Variants in CHRNA7 observed in about 807,000 individuals in gnomAD.
The protein encoded by CHRNA7 is neuronal acetylcholine receptor subunit alpha-7.
A neutral mutation model predicts 48.0 loss-of-function variants in CHRNA7; 17 were observed. The observed-to-expected ratio is 0.35, with a 90% CI of 0.24 to 0.53. The LOEUF (loss-of-function observed/expected upper bound fraction) is 0.53. Among genes scored for constraint, CHRNA7 ranks in the 20% least tolerant of loss-of-function variants. The pLI is 0.92. For synonymous variants in CHRNA7, 75 were observed against 242.3 expected, an observed-to-expected ratio of 0.31 and a Z score of 6.41; for missense variants, 155 against 577.7, an observed-to-expected ratio of 0.27 and a Z score of 7.50.
intron 4 of CHRNA7, among the ~76,000 whole-genome samples, chr15:32,131,732 G>A (rs10468022): frequency 0.54 from 81,812 of 151,972 alleles, 22,312 homozygotes; most frequent in East Asian, 0.7. Flanking sequence ...TGGTATTACA[G>A]GTGATTTTTA....
At chr15:32,104,771 C>T (rs1595451206) in intron 3 of CHRNA7, among the ~76,000 whole-genome samples, 1 of 152,286 alleles carries the variant, frequency 6.6e-6, no homozygotes, top group African/African-American at 2.4e-5. Context: ...CACTTTCGTA[C>T]TGTGTGTATA....
chr15:32,060,044 G>A lies in CHRNA7; in HGVS notation c.195+29007G>A, dbSNP rs1391521678. ...TATCTGAAAGAATTGCTGGAATAAT[G>A]TAATCCAGTTATGCAAAACCAAAAT... On this transcript the variant is annotated intron_variant, in intron 2 of 9. Coordinates refer to ENST00000306901, the MANE Select transcript of CHRNA7 (RefSeq NM_000746.6). 2.1e-5 allele frequency among the ~76,000 whole-genome samples: 3 copies of A among 143,820 alleles called. 1 individual carries two copies. Among genetic ancestry groups the A allele is most frequent in the Non-Finnish European group, 3.0e-5 (2 of 66,120 alleles). The allele number at this position is 143,820 out of a possible 152,430, so 94.4% of individuals were successfully genotyped here.
chr15:32,056,815 T>C (rs2049795323), intron 2 of CHRNA7, among the ~76,000 whole-genome samples: 1 of 152,360 alleles, frequency 6.6e-6, no homozygotes, highest in Admixed American at 6.5e-5. Flanking sequence ...AAAATGCCTT[T>C]AATTAAATAT....
chr15:32,117,637 A>C (rs2050896118), intron 4 of CHRNA7, among the ~76,000 whole-genome samples: 2 of 152,070 alleles, frequency 1.3e-5, no homozygotes, highest in African/African-American at 4.8e-5. Context: ...GCAGGTGGCA[A>C]ATTTCACTGG....
chr15:32,085,156 A>G (rs1183649205), intron 2 of CHRNA7, among the ~76,000 whole-genome samples: 1 of 152,066 alleles, frequency 6.6e-6, no homozygotes, highest in Non-Finnish European at 1.5e-5. Context: ...TTTCAGCAAC[A>G]TGTCCCTGTA....
At position 32,104,504 on chromosome 15, in the gene CHRNA7, C is replaced by T. The variant is rs76279763; in HGVS notation, c.240+3157C>T. Among the ~76,000 whole-genome samples, 358 of 152,276 alleles carry T rather than the reference C, an allele frequency of 2.4e-3. 2 individuals carry two copies. Among genetic ancestry groups the T allele is most frequent in the African/African-American group, 8.3e-3 (347 of 41,558 alleles). On this transcript the variant is annotated intron_variant, in intron 3 of 9. Transcript: ENST00000306901. ...CCCAAAGGCTTCTCACCATGTAACC[C>T]GCTTTGTGTTCACTCGTCTATCTGT... is the stretch of plus-strand genomic sequence containing the variant.
intron 2 of CHRNA7, among the ~76,000 whole-genome samples, chr15:32,035,340 A>G (rs1393336235): frequency 6.6e-6 from 1 of 152,230 alleles, no homozygotes; most frequent in Non-Finnish European, 1.5e-5. Context: ...TAAAATAAAT[A>G]TGCATTGGTT....
At chr15:32,055,988 A>C (rs1233803032) in intron 2 of CHRNA7, among the ~76,000 whole-genome samples, 1 of 152,002 alleles carries the variant, frequency 6.6e-6, no homozygotes, top group East Asian at 1.9e-4. Flanking sequence ...CAAAAAAAAA[A>C]ACCAAAAAAC....
chr15:32,119,102 G>A (rs2050922815), intron 4 of CHRNA7, among the ~76,000 whole-genome samples: 1 of 152,140 alleles, frequency 6.6e-6, no homozygotes, highest in Admixed American at 6.5e-5. Flanking sequence ...AGTGGACTGT[G>A]CCTGTCATGG....
At chr15:32,072,843 A>C (rs2050079304) in intron 2 of CHRNA7, among the ~76,000 whole-genome samples, 1 of 152,220 alleles carries the variant, frequency 6.6e-6, no homozygotes, top group Non-Finnish European at 1.5e-5. Flanking sequence ...GGCAGCTTTT[A>C]CCTAGCTTTC....
At chr15:32,082,427 T>C (rs994957219) in intron 2 of CHRNA7, among the ~76,000 whole-genome samples, 1 of 152,166 alleles carries the variant, frequency 6.6e-6, no homozygotes, top group Non-Finnish European at 1.5e-5. Flanking sequence ...TCTATCTTTG[T>C]GTTCACAATC....
chr15:32,076,149 T>C (rs995838089), intron 2 of CHRNA7, among the ~76,000 whole-genome samples: 2 of 152,204 alleles, frequency 1.3e-5, no homozygotes, highest in Admixed American at 1.3e-4. Flanking sequence ...CTTTTGTTCA[T>C]TGGGGTGTTG....
At chr15:32,136,754 C>T (rs1045349881) in intron 4 of CHRNA7, among the ~76,000 whole-genome samples, 9 of 151,662 alleles carry the variant, frequency 5.9e-5, no homozygotes, top group Non-Finnish European at 1.0e-4. Flanking sequence ...AGGAGAAGGC[C>T]GGCGCGGTGG....
intron 4 of CHRNA7, among the ~76,000 whole-genome samples, chr15:32,133,435 T>C (rs974963071): frequency 1.3e-5 from 2 of 152,160 alleles, no homozygotes; most frequent in African/African-American, 4.8e-5. Context: ...CACGAGGCCC[T>C]GGGAGTTCAG....
rs2050807999 is a variant in CHRNA7, at chr15:32,114,020, A to ATATATATATATATATATATATG, written c.350+2142_350+2143insGTATATATATATATATATATAT. ...TGACAGAGTGAGATGCTATCTCCAA[A>ATATATATATATATATATATATG]TATATATATATATATATATATATGT... On this transcript the variant is annotated intron_variant, in intron 4 of 9. Transcript: ENST00000306901. Among the ~76,000 whole-genome samples, 18 of 20,940 alleles carry ATATATATATATATATATATATG rather than the reference A, an allele frequency of 8.6e-4. No homozygotes were observed. In the East Asian group the frequency reaches 0.021, roughly 25 times the overall value. 13.7% of individuals were successfully genotyped at this position (20,940 alleles called of 152,430 possible). A position where few individuals can be genotyped will look rare whatever the true frequency, so the allele number is the denominator to read the frequency against.
At chr15:32,139,483 G>A (rs1566867749) in intron 4 of CHRNA7, among the ~76,000 whole-genome samples, 1 of 152,176 alleles carries the variant, frequency 6.6e-6, no homozygotes, top group East Asian at 1.9e-4. Context: ...CCCACCAGCA[G>A]TGTATGAGAG....
intron 2 of CHRNA7, among the ~76,000 whole-genome samples, chr15:32,064,103 T>A (rs2049923747): frequency 6.6e-6 from 1 of 152,220 alleles, no homozygotes; most frequent in Non-Finnish European, 1.5e-5. Flanking sequence ...ATGTTCCAGT[T>A]CCCAATAGCT....
chr15:32,104,907 G>A (rs2050637133), intron 3 of CHRNA7, among the ~76,000 whole-genome samples: 1 of 152,224 alleles, frequency 6.6e-6, no homozygotes, highest in Non-Finnish European at 1.5e-5. Flanking sequence ...ATGTTATGGA[G>A]AGGTCTCTCT....
chr15:32,066,818 CAAAT>C (rs756111845), intron 2 of CHRNA7, among the ~76,000 whole-genome samples: 2 of 152,040 alleles, frequency 1.3e-5, no homozygotes, highest in Admixed American at 6.5e-5. Context: ...AATATCTCAC[CAAAT>C]AAATAATGCC....
Sources: gnomAD v4.1 joint callset for allele counts (sites outside exome capture counted in the v4.1 genomes callset) on GRCh38, gnomAD v4.1.1 for gene constraint, MANE v1.5 for transcripts, NCBI Gene and HGNC (gene_info 2026-07-23, HGNC 2026-07-21) for gene names.